HEATR1: variants seen among roughly 807,000 people sequenced by gnomAD.
The protein encoded by HEATR1 is HEAT repeat containing 1.
HEATR1 carries 77 observed loss-of-function variants against 248.2 expected under a neutral mutation model. The observed-to-expected ratio is 0.31, with a 90% confidence interval of 0.26 to 0.37. HEATR1 has a LOEUF of 0.37. Ranked by LOEUF, HEATR1 falls within the 10% of genes least tolerant of loss-of-function variation. The pLI is 1.00. For synonymous variants in HEATR1, 897 were observed against 923.1 expected, an observed-to-expected ratio of 0.97 and a Z score of 0.51; for missense variants, 2,420 against 2,504.9, an observed-to-expected ratio of 0.97 and a Z score of 0.72.
rs1484036757 is a variant in HEATR1 at position 236,549,832 on chromosome 1, T to A, written c.*1070A>T. 2.0e-5 allele frequency: 3 copies of A among 152,210 alleles called. No homozygotes were observed. The highest frequency in any genetic ancestry group is 7.2e-5 in the African/African-American group (3 of 41,444). 9.4% of individuals were successfully genotyped at this position (152,210 alleles called of 1,614,324 possible). ...TCATTTTACGTGGAGGAAAAAAATTTAAAAAGCTATTAGTATTTATTAATG... is the reference window on the plus strand; with the variant it reads ...TCATTTTACGTGGAGGAAAAAAATTAAAAAAGCTATTAGTATTTATTAATG... On this transcript the variant is annotated 3_prime_UTR_variant, in exon 45 of 45. Coordinates refer to ENST00000366582, the MANE Select transcript of HEATR1 (RefSeq NM_018072.6).
At chr1:236,596,661 C>T (rs550636443) in intron 6 of HEATR1, among the ~76,000 whole-genome samples, 175 bp downstream of exon 6, 1 of 152,300 alleles carries the variant, frequency 6.6e-6, no homozygotes, top group South Asian at 2.1e-4. Flanking sequence ...ATTAAGGTCC[C>T]AGGCCAGTGA....
rs1025407863 is a variant in HEATR1 at position 236,549,631 on chromosome 1, G to A, written c.*1271C>T. 6.6e-6 allele frequency: 1 copy of A among 152,138 alleles called. No homozygotes were observed. Among genetic ancestry groups the A allele is most frequent in the African/African-American group, 2.4e-5 (1 of 41,412 alleles). 9.4% of individuals were successfully genotyped at this position (152,138 alleles called of 1,614,324 possible). ...CTCACCAAGCTCAAAGACACTGGTT[G>A]GGGGTGGAGGGTGCCACAGGGAAAG... On this transcript the variant is annotated 3_prime_UTR_variant, in exon 45 of 45. Transcript: ENST00000366582.
At chr1:236,592,951 T>C (rs1331402603) in intron 9 of HEATR1, among the ~76,000 whole-genome samples, 1 of 152,130 alleles carries the variant, frequency 6.6e-6, no homozygotes, top group Non-Finnish European at 1.5e-5. Flanking sequence ...TCCCAGTACT[T>C]TGGGAGGCCA....
chr1:236,594,076 T>C lies in HEATR1; in HGVS notation c.1129A>G (p.Arg377Gly). The C allele has an allele frequency of 6.2e-7, 1 of 1,602,554 alleles. No individual in the cohort carries two copies. Residue 377 changes from arginine (R) to glycine (G), a missense_variant, in exon 9 of 45, where the codon AGA becomes GGA. By Grantham distance (125) the Arg-to-Gly change is moderately radical. Coordinates refer to ENST00000366582, the MANE Select transcript of HEATR1 (RefSeq NM_018072.6). ...TEGMDGQIYK[R>G]HLEAILTKIS... Reference sequence around the variant, plus strand: ...TTTGTAAGTATAGCTTCTAAGTGTCTCTTGTAGATTTGACCATCCATTCCT... The same window carrying C: ...TTTGTAAGTATAGCTTCTAAGTGTCCCTTGTAGATTTGACCATCCATTCCT...
chr1:236,603,835 G>A, intron 2 of HEATR1, 119 bp downstream of exon 2: 4 of 1,072,830 alleles, frequency 3.7e-6, no homozygotes, highest in Non-Finnish European at 5.3e-6. Context: ...ACATCAACAT[G>A]CTAGAAACTG....
At chr1:236,591,488 T>G (rs180705548) in intron 11 of HEATR1, among the ~76,000 whole-genome samples, 1 of 152,214 alleles carries the variant, frequency 6.6e-6, no homozygotes, top group Non-Finnish European at 1.5e-5. Flanking sequence ...TAATTATCTG[T>G]TTTTAAGGCT....
intron 11 of HEATR1, 61 bp downstream of exon 11, chr1:236,591,932 T>A: frequency 1.1e-6 from 1 of 951,916 alleles, no homozygotes; most frequent in Non-Finnish European, 1.6e-6. Context: ...CTTCTGGAGC[T>A]CTTCACATAC....
At position 236,596,903 on chromosome 1, in the gene HEATR1, G is replaced by A. The variant is rs201547441; in HGVS notation, c.677C>T (p.Ser226Leu). ...TACGTCCTCTGCAGCTACCAGCGCC[G>A]ACACTATGGTAGAAGCATAGAAAGC... The part of the protein sequence containing the change: ...LLAFYASTIV[S>L]ALVAAEDVSD... Residue 226 changes from serine to leucine, a missense_variant, in exon 6 of 45, where the codon TCG becomes TTG. By Grantham distance (145) the Ser-to-Leu change is moderately radical. Transcript: ENST00000366582. 5.9e-5 allele frequency: 96 copies of A among 1,613,906 alleles called. No individual in the cohort carries two copies. The highest frequency in any genetic ancestry group is 7.9e-5 in the Non-Finnish European group (93 of 1,179,934).
At chr1:236,580,519 CTTT>C (rs10692063) in intron 20 of HEATR1, among the ~76,000 whole-genome samples, 3 of 132,118 alleles carry the variant, frequency 2.3e-5, no homozygotes, top group Non-Finnish European at 1.6e-5. Flanking sequence ...ATGTACAGCC[CTTT>C]TTTTTTTTTT....
chr1:236,597,996 GAACA>G lies in HEATR1; in HGVS notation c.502-21_502-18del. The G allele has an allele frequency of 1.3e-6, 2 of 1,522,998 alleles. No homozygotes were observed. The highest frequency in any genetic ancestry group is 1.1e-5 in the South Asian group (1 of 88,578). The allele number at this position is 1,522,998 out of a possible 1,614,324, so 94.3% of individuals were successfully genotyped here. The stretch of plus-strand genomic sequence containing the variant: ...TCCAGATTGCTGTTATTGATGGAAA[GAACA>G]AACTACTAGCAACATTCATCAACTG... On this transcript the variant is annotated intron_variant, in intron 4 of 44. Coordinates refer to ENST00000366582, the MANE Select transcript of HEATR1 (RefSeq NM_018072.6).
At chr1:236,597,125 C>T in intron 5 of HEATR1, 149 bp from the exon 6 acceptor site, 1 of 380,488 alleles carries the variant, frequency 2.6e-6, no homozygotes. Context: ...TCCATGTCTC[C>T]AAAAAAAAAA....
intron 14 of HEATR1, 64 bp from the exon 15 acceptor site, chr1:236,586,516 T>A: frequency 1.9e-6 from 2 of 1,058,004 alleles, no homozygotes; most frequent in South Asian, 2.7e-5. Context: ...GGGCAAAAAT[T>A]CATCATTACA....
At chr1:236,596,588 T>C (rs546722376) in intron 6 of HEATR1, among the ~76,000 whole-genome samples, 10 of 152,324 alleles carry the variant, frequency 6.6e-5, no homozygotes, top group Non-Finnish European at 1.2e-4. Context: ...AAGACTGCTA[T>C]GGAAATCAAT....
At chr1:236,595,434 G>A (rs1664152092) in intron 8 of HEATR1, 106 bp downstream of exon 8, 3 of 945,192 alleles carry the variant, frequency 3.2e-6, no homozygotes, top group Non-Finnish European at 4.5e-6. Flanking sequence ...AAGAACAACT[G>A]GAAAACAGAA....
At position 236,586,334 on chromosome 1, in the gene HEATR1, C is replaced by G. The variant is rs1553284527; in HGVS notation, c.1834G>C (p.Asp612His). The G allele has an allele frequency of 6.2e-7, 1 of 1,613,036 alleles. No homozygotes were observed. Among genetic ancestry groups the G allele is most frequent in the Admixed American group, 1.7e-5 (1 of 60,008 alleles). ...CLLPFMVINNDDTESAEMKIA... is the reference protein window; with the variant it reads ...CLLPFMVINNHDTESAEMKIA... ...TTCATCTCAGCAGATTCCGTATCAT[C>G]ATTATTGATAACCATAAATGGCAGC... is the stretch of plus-strand genomic sequence containing the variant. The change falls in exon 15 of 45, where the codon GAT (aspartate) becomes CAT (histidine). Residue 612 changes from aspartate (D) to histidine (H), a missense_variant. Transcript: ENST00000366582.
intron 42 of HEATR1, among the ~76,000 whole-genome samples, chr1:236,554,169 A>G (rs1335975946): frequency 3.3e-5 from 5 of 152,216 alleles, no homozygotes; most frequent in Non-Finnish European, 7.3e-5. Context: ...AGGTGGGTGG[A>G]TCACTTGAGG....
intron 19 of HEATR1, 104 bp from the exon 20 acceptor site, chr1:236,581,518 A>T: frequency 1.2e-6 from 1 of 811,118 alleles, no homozygotes; most frequent in Non-Finnish European, 1.8e-6. Context: ...AAATAATTTA[A>T]GGCAAAGTTT....
chr1:236,585,778 T>C (rs1663868865), intron 16 of HEATR1, 42 bp downstream of exon 16: 5 of 1,594,580 alleles, frequency 3.1e-6, no homozygotes, highest in Non-Finnish European at 4.3e-6. Flanking sequence ...AATAAGAGTA[T>C]GAGAAAGAAA....
At chr1:236,594,975 A>G (rs1008078997) in intron 8 of HEATR1, among the ~76,000 whole-genome samples, 5 of 151,846 alleles carry the variant, frequency 3.3e-5, no homozygotes, top group East Asian at 1.9e-4. Context: ...ATTTTTGTAT[A>G]TTTTTGTAGA....
Sources: gnomAD v4.1 joint callset for allele counts (sites outside exome capture counted in the v4.1 genomes callset) on GRCh38, gnomAD v4.1.1 for gene constraint, MANE v1.5 for transcripts, NCBI Gene and HGNC (gene_info 2026-07-23, HGNC 2026-07-21) for gene names.